Variants in THSD7A observed in about 807,000 individuals in gnomAD.
THSD7A encodes thrombospondin type-1 domain-containing protein 7A.
A neutral mutation model predicts 231.3 loss-of-function variants in THSD7A; 96 were observed. The ratio of observed to expected loss-of-function variants is 0.41; its 90% CI spans 0.35 to 0.49. The LOEUF (loss-of-function observed/expected upper bound fraction) is 0.49. THSD7A is among the 20% of genes least tolerant of loss of function. THSD7A has a pLI of 0.05. For synonymous variants in THSD7A, 940 were observed against 743.3 expected, an observed-to-expected ratio of 1.26 and a Z score of -4.30; for missense variants, 2,290 against 2,070.2, an observed-to-expected ratio of 1.11 and a Z score of -2.06.
rs562494011 is a variant in THSD7A at position 11,600,139 on chromosome 7, C to G, written c.1023-6637G>C. Among the ~76,000 whole-genome samples the G allele has an allele frequency of 5.9e-5, 9 of 151,844 alleles. No homozygotes were observed. The East Asian group carries it at 1.8e-3, about 30-fold the overall frequency. ...CATATATATGGCCTATTAGTTCTGT[C>G]CCTCTAGAGAATCTTGACTAATATA... On this transcript the variant is annotated intron_variant, in intron 2 of 27. Transcript: ENST00000423059.
At position 11,481,871 on chromosome 7, in the gene THSD7A, G is replaced by A. The variant is rs1786439639; in HGVS notation, c.1934C>T (p.Ser645Phe). 1.2e-6 allele frequency: 2 copies of A among 1,613,654 alleles called. No individual in the cohort carries two copies. Among genetic ancestry groups the A allele is most frequent in the South Asian group, 1.1e-5 (1 of 91,078 alleles). ...CVLSTWSTWS[S>F]CSHTCSGKTT... ...TTTCCCTGAGCAGGTGTGTGAGCAG[G>A]AGGACCACGTAGACCATGTGCTGAG... is the stretch of plus-strand genomic sequence containing the variant. The change falls in exon 7 of 28, where the codon TCC becomes TTC. Residue 645 changes from serine (S) to phenylalanine (F), a missense_variant. Ser to Phe is a radical substitution (Grantham distance 155). Coordinates refer to ENST00000423059, the MANE Select transcript of THSD7A (RefSeq NM_015204.3).
At chr7:11,746,389 T>C (rs567513180) in intron 1 of THSD7A, among the ~76,000 whole-genome samples, 11 of 152,044 alleles carry the variant, frequency 7.2e-5, no homozygotes, top group Non-Finnish European at 1.0e-4. Flanking sequence ...TTTCCACTGA[T>C]GTCCTTTTTC....
chr7:11,434,831 C>T (rs914000062), intron 13 of THSD7A, among the ~76,000 whole-genome samples: 2 of 151,804 alleles, frequency 1.3e-5, no homozygotes, highest in African/African-American at 4.8e-5. Context: ...ATATTAAAAA[C>T]TGGTGATCTG....
chr7:11,701,536 C>T (rs1780600643), intron 1 of THSD7A, among the ~76,000 whole-genome samples: 1 of 151,000 alleles, frequency 6.6e-6, no homozygotes, highest in South Asian at 2.1e-4. Context: ...TTTGCCTTAG[C>T]TACATTCTGC....
intron 1 of THSD7A, among the ~76,000 whole-genome samples, chr7:11,779,604 C>G (rs1783557629): frequency 6.6e-6 from 1 of 152,176 alleles, no homozygotes; most frequent in African/African-American, 2.4e-5. Context: ...TAACTTACAT[C>G]CAAAGTGTAT....
chr7:11,655,591 A>T (rs1375213476), intron 1 of THSD7A, among the ~76,000 whole-genome samples: 1 of 151,904 alleles, frequency 6.6e-6, no homozygotes, highest in Non-Finnish European at 1.5e-5. Flanking sequence ...TAGATTTTAC[A>T]ATAATGTCAT....
chr7:11,386,910 G>T (rs1029236370), intron 23 of THSD7A, among the ~76,000 whole-genome samples: 10 of 152,298 alleles, frequency 6.6e-5, no homozygotes, highest in African/African-American at 2.4e-4. Context: ...AAGGGGTCCA[G>T]TTTCAGTTTT....
chr7:11,774,195 T>G (rs1783327318), intron 1 of THSD7A, among the ~76,000 whole-genome samples: 1 of 152,140 alleles, frequency 6.6e-6, no homozygotes, highest in Non-Finnish European at 1.5e-5. Flanking sequence ...ACAACATAGA[T>G]GAACCTGGAA....
At chr7:11,693,224 C>T (rs926297570) in intron 1 of THSD7A, among the ~76,000 whole-genome samples, 6 of 151,438 alleles carry the variant, frequency 4.0e-5, no homozygotes, top group African/African-American at 1.2e-4. Flanking sequence ...ATGTAAGAAA[C>T]ATTTCTAACA....
chr7:11,697,617 C>T (rs1780442856), intron 1 of THSD7A, among the ~76,000 whole-genome samples: 1 of 151,184 alleles, frequency 6.6e-6, no homozygotes, highest in South Asian at 2.1e-4. Context: ...GTTTATTAGA[C>T]TCCAAAAGAT....
At chr7:11,688,596 A>G (rs1233467534) in intron 1 of THSD7A, among the ~76,000 whole-genome samples, 1 of 151,846 alleles carries the variant, frequency 6.6e-6, no homozygotes, top group Non-Finnish European at 1.5e-5. Context: ...AGAGACTGAA[A>G]TGAACAGCCA....
rs191468859 is a variant in THSD7A at position 11,545,779 on chromosome 7, A to C, written c.1454-2662T>G. ...GGAGAGTTATCAGGGGCAGGTCTCT[A>C]ATATGTGCAGAATCCAGAGCGTTTG... On this transcript the variant is annotated intron_variant, in intron 4 of 27. Transcript: ENST00000423059. Among the ~76,000 whole-genome samples, 125 of 152,298 alleles carry C rather than the reference A, an allele frequency of 8.2e-4. 2 individuals carry two copies. Among genetic ancestry groups the C allele is most frequent in the African/African-American group, 2.8e-3 (116 of 41,560 alleles).
chr7:11,470,996 G>T (rs540040430), intron 8 of THSD7A, among the ~76,000 whole-genome samples: 2 of 151,822 alleles, frequency 1.3e-5, no homozygotes, highest in Non-Finnish European at 2.9e-5. Flanking sequence ...TTAGCCAAAA[G>T]GCTGAGAAGT....
chr7:11,764,910 C>T (rs1196954691), intron 1 of THSD7A, among the ~76,000 whole-genome samples: 3 of 151,926 alleles, frequency 2.0e-5, no homozygotes, highest in African/African-American at 7.2e-5. Flanking sequence ...TTTTAAGAGG[C>T]TAATCTGTCA....
intron 15 of THSD7A, 36 bp downstream of exon 15, chr7:11,426,630 A>T (rs1278443235): frequency 1.2e-5 from 18 of 1,532,348 alleles, no homozygotes; most frequent in Admixed American, 4.1e-5. Flanking sequence ...GAAAAGAAGG[A>T]TTCTATCAAA....
intron 6 of THSD7A, among the ~76,000 whole-genome samples, chr7:11,495,864 T>C (rs1787075254): frequency 6.6e-6 from 1 of 152,044 alleles, no homozygotes; most frequent in Non-Finnish European, 1.5e-5. Context: ...ATGGATGAGA[T>C]GAAATACACA....
chr7:11,774,938 C>A (rs112979191), intron 1 of THSD7A, among the ~76,000 whole-genome samples: 58 of 152,174 alleles, frequency 3.8e-4, no homozygotes, highest in Non-Finnish European at 6.9e-4. Flanking sequence ...GCCTGTAATT[C>A]CAGCTACTCG....
intron 6 of THSD7A, among the ~76,000 whole-genome samples, chr7:11,482,561 G>A (rs1192394052): frequency 6.6e-6 from 1 of 152,206 alleles, no homozygotes; most frequent in Non-Finnish European, 1.5e-5. Context: ...TAAAGTCACT[G>A]CTTAAGGTGA....
intron 1 of THSD7A, among the ~76,000 whole-genome samples, chr7:11,704,071 A>G (rs1015049369): frequency 6.6e-6 from 1 of 151,228 alleles, no homozygotes; most frequent in African/African-American, 2.4e-5. Context: ...TACACAGAGT[A>G]AGTATTTAAT....
Sources: gnomAD v4.1 joint callset for allele counts (sites outside exome capture counted in the v4.1 genomes callset) on GRCh38, gnomAD v4.1.1 for gene constraint, MANE v1.5 for transcripts, NCBI Gene and HGNC (gene_info 2026-07-23, HGNC 2026-07-21) for gene names.